Variants in KIF16B observed in about 807,000 individuals in gnomAD.
KIF16B encodes kinesin-like protein KIF16B.
A neutral mutation model predicts 156.3 loss-of-function variants in KIF16B; 98 were observed. The observed-to-expected ratio is 0.63, with a 90% CI of 0.53 to 0.74. The LOEUF is 0.74. Among genes scored for constraint, KIF16B ranks in the 30% least tolerant of loss-of-function variants. KIF16B has a pLI of 0.00. For synonymous variants in KIF16B, 564 were observed against 583.7 expected (o/e 0.97, Z 0.49); for missense variants, 1,421 against 1,606.5 (o/e 0.88, Z 1.97).
chr20:16,526,620 A>G (rs1246325876), intron 2 of KIF16B, among the ~76,000 whole-genome samples: 1 of 152,248 alleles, frequency 6.6e-6, no homozygotes, highest in East Asian at 1.9e-4. Flanking sequence ...ATTCTAGGTC[A>G]GATGTCTCCT....
chr20:16,466,002 T>G (rs2067480238), intron 12 of KIF16B, among the ~76,000 whole-genome samples: 1 of 152,224 alleles, frequency 6.6e-6, no homozygotes, highest in Non-Finnish European at 1.5e-5. Context: ...CAAAGGGTGA[T>G]GTCTAACCAC....
chr20:16,459,018 A>T (rs2067280238), intron 12 of KIF16B, among the ~76,000 whole-genome samples: 1 of 152,212 alleles, frequency 6.6e-6, no homozygotes, highest in Non-Finnish European at 1.5e-5. Context: ...AGTCTTTTAG[A>T]ACTTGCATTG....
intron 4 of KIF16B, among the ~76,000 whole-genome samples, chr20:16,514,571 C>T (rs1311693946): frequency 1.7e-5 from 2 of 117,478 alleles, no homozygotes; most frequent in Non-Finnish European, 3.3e-5. Context: ...AGAGCTCTCA[C>T]TAAGAAATAA....
chr20:16,439,590 G>A (rs1199606896), intron 12 of KIF16B, among the ~76,000 whole-genome samples: 2 of 151,998 alleles, frequency 1.3e-5, no homozygotes, highest in African/African-American at 2.4e-5. Context: ...TGTTCTATTC[G>A]GGACCAAAGA....
chr20:16,374,215 C>T (rs750910932), intron 20 of KIF16B, 42 bp downstream of exon 20: 4 of 1,482,742 alleles, frequency 2.7e-6, no homozygotes, highest in Admixed American at 2.2e-5. Context: ...GTCCTTGAGT[C>T]ACATCAAATG....
chr20:16,408,461 C>G (rs140692118), intron 15 of KIF16B, among the ~76,000 whole-genome samples: 9 of 152,216 alleles, frequency 5.9e-5, no homozygotes, highest in African/African-American at 2.2e-4. Flanking sequence ...TAAGCAGCCA[C>G]GTCTAGGATG....
intron 12 of KIF16B, among the ~76,000 whole-genome samples, chr20:16,476,104 GCCCTGC>G (rs755974721): frequency 0.11 from 17,024 of 152,274 alleles, 1,171 homozygotes; most frequent in Non-Finnish European, 0.16. Context: ...ACTACCAAGG[GCCCTGC>G]AACAAATACA....
At chr20:16,341,103 T>C (rs1393568847) in intron 23 of KIF16B, among the ~76,000 whole-genome samples, 1 of 152,188 alleles carries the variant, frequency 6.6e-6, no homozygotes, top group East Asian at 1.9e-4. Flanking sequence ...GATGGCCCAA[T>C]GTGGAAAGAA....
In KIF16B at chr20:16,301,587, C is replaced by A. The variant is rs147226806; in HGVS notation, c.3795+10748G>T. 8.9e-3 allele frequency among the ~76,000 whole-genome samples: 1,357 copies of A among 152,202 alleles called. 12 individuals are homozygous for A. The highest frequency in any genetic ancestry group is 0.012 in the Non-Finnish European group (834 of 67,992). Reference sequence around the variant, plus strand: ...TTTCCTAATGACATATGTTATTGAGCCTCTTTTCATATGCTTATTTGCCTT... The same window carrying A: ...TTTCCTAATGACATATGTTATTGAGACTCTTTTCATATGCTTATTTGCCTT... On this transcript the variant is annotated intron_variant, in intron 25 of 25. Coordinates refer to ENST00000354981, the MANE Select transcript of KIF16B (RefSeq NM_024704.5).
chr20:16,320,242 A>C (rs186948468), intron 24 of KIF16B, among the ~76,000 whole-genome samples: 1 of 152,322 alleles, frequency 6.6e-6, no homozygotes, highest in African/African-American at 2.4e-5. Context: ...AGATAAACAT[A>C]AAACCTCGCA....
chr20:16,370,284 T>C (rs2064785058), intron 22 of KIF16B, among the ~76,000 whole-genome samples: 1 of 152,176 alleles, frequency 6.6e-6, no homozygotes. Context: ...AAACCCCATA[T>C]CTGATTCTGA....
intron 23 of KIF16B, among the ~76,000 whole-genome samples, chr20:16,338,590 A>G (rs886424177): frequency 6.6e-6 from 1 of 152,340 alleles, no homozygotes. Context: ...AGAAATCCTC[A>G]TAAGCACAAA....
At chr20:16,387,253 C>A (rs1358857340) in intron 17 of KIF16B, among the ~76,000 whole-genome samples, 1 of 152,040 alleles carries the variant, frequency 6.6e-6, no homozygotes, top group African/African-American at 2.4e-5. Context: ...AAAGGGCTGG[C>A]TGGGCATCAT....
intron 1 of KIF16B, among the ~76,000 whole-genome samples, chr20:16,544,000 G>T (rs1037874199): frequency 6.6e-6 from 1 of 152,162 alleles, no homozygotes; most frequent in African/African-American, 2.4e-5. Context: ...CCTGGAGAGG[G>T]TATGTAAGCT....
intron 12 of KIF16B, among the ~76,000 whole-genome samples, chr20:16,433,256 T>A (rs374815193): frequency 3.3e-5 from 5 of 152,228 alleles, no homozygotes; most frequent in African/African-American, 1.2e-4. Flanking sequence ...GGCAATGAAT[T>A]ATTACAGGCC....
At chr20:16,514,205 T>G (rs2069057378) in intron 4 of KIF16B, among the ~76,000 whole-genome samples, 1 of 152,262 alleles carries the variant, frequency 6.6e-6, no homozygotes, top group Non-Finnish European at 1.5e-5. Context: ...AGTTTTGTTT[T>G]TTTTTTCCAA....
intron 22 of KIF16B, chr20:16,367,950 A>T: frequency 6.9e-7 from 1 of 1,444,286 alleles, no homozygotes; most frequent in Non-Finnish European, 9.0e-7. Flanking sequence ...AGAGAGGTAG[A>T]GCATGAAAAA....
intron 23 of KIF16B, among the ~76,000 whole-genome samples, chr20:16,352,412 A>T (rs2064355520): frequency 6.6e-6 from 1 of 152,216 alleles, no homozygotes; most frequent in South Asian, 2.1e-4. Flanking sequence ...TTTGAATTAA[A>T]TAGATTTTGG....
intron 6 of KIF16B, among the ~76,000 whole-genome samples, chr20:16,508,817 C>G (rs2068868257): frequency 6.6e-6 from 1 of 152,284 alleles, no homozygotes; most frequent in East Asian, 1.9e-4. Flanking sequence ...AAGAAAAATG[C>G]AAAAGCACTG....
Sources: allele counts gnomAD v4.1 joint callset (sites outside exome capture counted in the v4.1 genomes callset), GRCh38; gene constraint gnomAD v4.1.1; transcripts MANE v1.5; gene names NCBI Gene and HGNC (gene_info 2026-07-23, HGNC 2026-07-21).